The following CORIN variants were observed in gnomAD, a reference collection of about 807,000 sequenced individuals.
CORIN encodes the protein corin, serine peptidase.
CORIN carries 117 observed loss-of-function variants against 125.3 expected under a neutral mutation model. That is an observed-to-expected ratio of 0.93 (90% CI 0.80 to 1.09). CORIN has a LOEUF of 1.09. Ranked by LOEUF, CORIN falls within the 50% of genes least tolerant of loss-of-function variation. CORIN has a pLI of 0.00. For synonymous variants in CORIN, 450 were observed against 466.4 expected (o/e 0.96, Z 0.45); for missense variants, 1,253 against 1,306.7 (o/e 0.96, Z 0.63).
At chr4:47,767,480 G>A (rs924491383) in intron 3 of CORIN, among the ~76,000 whole-genome samples, 7 of 151,892 alleles carry the variant, frequency 4.6e-5, no homozygotes, top group African/African-American at 1.7e-4. Flanking sequence ...TGAAAATGTC[G>A]CTCTGAAAAA....
Position 47,612,994 on chromosome 4 carries a change from T to A in CORIN, c.2541-9326A>T, listed in dbSNP as rs180733463. On this transcript the variant is annotated intron_variant, in intron 19 of 21. Coordinates refer to ENST00000273857, the MANE Select transcript of CORIN (RefSeq NM_006587.4). The stretch of plus-strand genomic sequence containing the variant: ...GACCTTCAAGAATCAAGTTTCAGAA[T>A]GTTTCAGGGGGAAAAAGCTATGATA... 5.9e-5 allele frequency among the ~76,000 whole-genome samples: 9 copies of A among 152,328 alleles called. No homozygotes were observed. The East Asian group carries it at 1.7e-3, about 29-fold the overall frequency.
intron 1 of CORIN, among the ~76,000 whole-genome samples, chr4:47,820,999 G>A (rs1732485497): frequency 6.6e-6 from 1 of 152,190 alleles, no homozygotes; most frequent in Admixed American, 6.5e-5. Flanking sequence ...CTCTTTGGGA[G>A]GATGAGGCAG....
At chr4:47,751,426 C>G (rs1400080245) in intron 4 of CORIN, among the ~76,000 whole-genome samples, 1 of 152,204 alleles carries the variant, frequency 6.6e-6, no homozygotes, top group Non-Finnish European at 1.5e-5. Context: ...GCCAATATTA[C>G]TTCCTAAAAA....
At chr4:47,816,526 G>A (rs926574945) in intron 1 of CORIN, among the ~76,000 whole-genome samples, 1 of 152,116 alleles carries the variant, frequency 6.6e-6, no homozygotes, top group African/African-American at 2.4e-5. Flanking sequence ...CCTCCAAGAA[G>A]ATATACAGCT....
chr4:47,698,257 G>A (rs370662222), intron 5 of CORIN, among the ~76,000 whole-genome samples: 19 of 151,760 alleles, frequency 1.3e-4, no homozygotes, highest in African/African-American at 4.1e-4. Flanking sequence ...TAGGAGTGGG[G>A]TAATAACATT....
chr4:47,678,089 T>G, intron 8 of CORIN, 35 bp from the exon 9 acceptor site: 3 of 1,412,848 alleles, frequency 2.1e-6, no homozygotes, highest in Non-Finnish European at 3.0e-6. Context: ...ACTTTATTTA[T>G]TAATTCTTCT....
At chr4:47,815,877 G>A (rs1732243709) in intron 1 of CORIN, among the ~76,000 whole-genome samples, 1 of 152,064 alleles carries the variant, frequency 6.6e-6, no homozygotes, top group South Asian at 2.1e-4. Context: ...AAATCCAAAG[G>A]AGTCAAACAG....
Position 47,744,541 on chromosome 4 carries a change from T to C in CORIN, c.660A>G (p.Lys220=), listed in dbSNP as rs1728572978. 2 of 1,613,036 alleles carry C rather than the reference T, an allele frequency of 1.2e-6. No individual in the cohort carries two copies. The highest frequency in any genetic ancestry group is 3.3e-5 in the Admixed American group (2 of 59,914). The change falls in exon 5 of 22, where the codon AAA becomes AAG. Residue 220 remains lysine, a synonymous_variant. Transcript: ENST00000273857. The stretch of plus-strand genomic sequence containing the variant: ...TCCCCAGGACTGATTCACAGCCTTC[T>C]TTTGCAGCCTCACAGAAGGACCTAC... ...LPCRSFCEAA[K]EGCESVLGMV...
In CORIN at chr4:47,809,396, CTTTTTTT is replaced by C. The variant is rs374248975; in HGVS notation, c.64-2356_64-2350del. Among the ~76,000 whole-genome samples, 37 of 107,364 alleles carry C rather than the reference CTTTTTTT, an allele frequency of 3.4e-4. No homozygotes were observed. The South Asian group carries it at 7.1e-3, about 21-fold the overall frequency. 70.4% of individuals were successfully genotyped at this position (107,364 alleles called of 152,430 possible). On this transcript the variant is annotated intron_variant, in intron 1 of 21. Transcript: ENST00000273857. ...TCTTCAGTGACAAGAGAATTGATTG[CTTTTTTT>C]TTTTTTTTTTTTTTTTTTTGAGATA...
chr4:47,703,632 T>C (rs1332737763), intron 5 of CORIN, among the ~76,000 whole-genome samples: 1 of 152,206 alleles, frequency 6.6e-6, no homozygotes, highest in Non-Finnish European at 1.5e-5. Flanking sequence ...CGTCTCTGAG[T>C]ATATTAATCA....
intron 3 of CORIN, among the ~76,000 whole-genome samples, chr4:47,784,527 T>C (rs573940745): frequency 6.0e-4 from 92 of 152,362 alleles, no homozygotes; most frequent in African/African-American, 2.1e-3. Flanking sequence ...CAGCCACATG[T>C]TTCTTTACTC....
rs139160376 is a variant in CORIN, at chr4:47,642,026, A to C, written c.2092T>G (p.Ser698Ala). ...DCVTLSINVNSSSFLMVHRAA... is the reference protein window; with the variant it reads ...DCVTLSINVNASSFLMVHRAA... ...CTGTGAACCATCAGAAAGGAAGAGG[A>C]GTTCACATTTATAGAGAGGGTCACT... Residue 698 changes from serine (S) to alanine (A), a missense_variant, in exon 16 of 22, where the codon TCC (serine) becomes GCC (alanine). Transcript: ENST00000273857. 21 of 1,613,270 alleles carry C rather than the reference A, an allele frequency of 1.3e-5. No homozygotes were observed. In the African/African-American group the frequency reaches 2.8e-4, roughly 22 times the overall value.
intron 1 of CORIN, among the ~76,000 whole-genome samples, chr4:47,811,739 G>GA (rs1252154557): frequency 1.3e-5 from 2 of 152,178 alleles, no homozygotes; most frequent in Admixed American, 6.5e-5. Flanking sequence ...ACAGGGATCA[G>GA]AAAACTAGTC....
chr4:47,656,914 G>A (rs1475043456), intron 12 of CORIN, among the ~76,000 whole-genome samples: 6 of 152,136 alleles, frequency 3.9e-5, no homozygotes, highest in Admixed American at 6.5e-5. Context: ...CTACAGAACT[G>A]ATAAACAAAT....
intron 7 of CORIN, 147 bp downstream of exon 7, chr4:47,683,584 A>G (rs895823428): frequency 3.3e-6 from 2 of 597,734 alleles, no homozygotes; most frequent in Non-Finnish European, 2.9e-6. Context: ...ACAGTGACTG[A>G]ACAAACTTCC....
intron 6 of CORIN, among the ~76,000 whole-genome samples, chr4:47,688,970 G>A (rs1725647599): frequency 6.6e-6 from 1 of 152,126 alleles, no homozygotes; most frequent in Non-Finnish European, 1.5e-5. Context: ...ACATCATTTG[G>A]AATATCAATT....
chr4:47,684,685 A>T (rs1311848015), intron 6 of CORIN, among the ~76,000 whole-genome samples: 1 of 152,198 alleles, frequency 6.6e-6, no homozygotes, highest in African/African-American at 2.4e-5. Flanking sequence ...CTTTTCAACA[A>T]ACGGTATTGG....
intron 13 of CORIN, among the ~76,000 whole-genome samples, chr4:47,646,434 A>T (rs1723487581): frequency 6.6e-6 from 1 of 152,250 alleles, no homozygotes; most frequent in Non-Finnish European, 1.5e-5. Flanking sequence ...TAATGTAATA[A>T]CTTGAACTGT....
intron 5 of CORIN, among the ~76,000 whole-genome samples, chr4:47,709,154 G>A (rs1406343736): frequency 1.3e-5 from 2 of 152,126 alleles, no homozygotes; most frequent in Non-Finnish European, 2.9e-5. Context: ...AAAAAATAAG[G>A]TAGGAGATGT....
Sources: gnomAD v4.1 joint callset for allele counts (sites outside exome capture counted in the v4.1 genomes callset) on GRCh38, gnomAD v4.1.1 for gene constraint, MANE v1.5 for transcripts, NCBI Gene and HGNC (gene_info 2026-07-23, HGNC 2026-07-21) for gene names.